ATAD2: variants seen among roughly 807,000 people sequenced by gnomAD.
ATAD2 encodes the protein ATPase family AAA domain containing 2.
Under a neutral mutation model 168.9 loss-of-function variants are expected in ATAD2, and 62 were observed. The observed-to-expected ratio is 0.37, with a 90% CI of 0.30 to 0.45. The LOEUF (loss-of-function observed/expected upper bound fraction) is 0.45. Among genes scored for constraint, ATAD2 ranks in the 20% least tolerant of loss-of-function variants. The pLI is 1.00. For synonymous variants in ATAD2, 613 were observed against 571.6 expected (o/e 1.07, Z -1.03); for missense variants, 1,419 against 1,667.8 (o/e 0.85, Z 2.60).
At position 123,336,395 on chromosome 8, in the gene ATAD2, G is replaced by A; in HGVS notation, c.3189C>T (p.Tyr1063=). 2 of 1,580,996 alleles carry A rather than the reference G, an allele frequency of 1.3e-6. No homozygotes were observed. The part of the protein sequence containing the change: ...IDLICSNALE[Y]NPDRDPGDRL... ...CACCTCCAGGATCTCTATCTGGATTGTATTCTAAGGCATTACTACAGATTA... is the reference window on the plus strand; with the variant it reads ...CACCTCCAGGATCTCTATCTGGATTATATTCTAAGGCATTACTACAGATTA... The change falls in exon 22 of 28, where the codon TAC becomes TAT. Residue 1063 remains tyrosine, a synonymous_variant. Coordinates refer to ENST00000287394, the MANE Select transcript of ATAD2 (RefSeq NM_014109.4).
intron 15 of ATAD2, 40 bp from the exon 16 acceptor site, chr8:123,347,446 C>A: frequency 2.7e-6 from 4 of 1,505,516 alleles, no homozygotes; most frequent in Non-Finnish European, 3.6e-6. Flanking sequence ...ACCAGCCGAC[C>A]AAACAAAGAA....
intron 2 of ATAD2, among the ~76,000 whole-genome samples, chr8:123,375,160 T>A (rs1829268354): frequency 6.6e-6 from 1 of 152,226 alleles, no homozygotes; most frequent in Non-Finnish European, 1.5e-5. Flanking sequence ...GACACTGATG[T>A]TACCATTACG....
At chr8:123,409,647 T>C (rs1470270229) in intron 1 of ATAD2, among the ~76,000 whole-genome samples, 1 of 151,952 alleles carries the variant, frequency 6.6e-6, no homozygotes, top group African/African-American at 2.4e-5. Flanking sequence ...CTTGAGCTAC[T>C]ACACCCATTC....
At chr8:123,386,564 T>C (rs1013015015) in intron 1 of ATAD2, among the ~76,000 whole-genome samples, 1 of 152,078 alleles carries the variant, frequency 6.6e-6, no homozygotes, top group Admixed American at 6.5e-5. Context: ...TTCTGGAAGA[T>C]GAAAAAGTTC....
intron 7 of ATAD2, among the ~76,000 whole-genome samples, chr8:123,369,543 C>T (rs1415807873): frequency 6.6e-6 from 1 of 152,046 alleles, no homozygotes; most frequent in Non-Finnish European, 1.5e-5. Flanking sequence ...TCTATACAAA[C>T]TGACAAAATA....
chr8:123,372,721 T>C (rs1351888399), intron 2 of ATAD2, 35 bp from the exon 3 acceptor site: 3 of 1,481,450 alleles, frequency 2.0e-6, no homozygotes, highest in South Asian at 1.2e-5. Flanking sequence ...TTCAAAATAA[T>C]TGACATAACT....
intron 1 of ATAD2, among the ~76,000 whole-genome samples, chr8:123,392,499 A>G (rs1015785332): frequency 3.4e-5 from 5 of 145,858 alleles, no homozygotes; most frequent in Non-Finnish European, 7.6e-5. Flanking sequence ...GTTTTCTCAT[A>G]AAAAAAAAAT....
At chr8:123,399,340 C>T (rs1812967865), upstream of ATAD2, among the ~76,000 whole-genome samples, 1 of 151,950 alleles carries the variant, frequency 6.6e-6, no homozygotes, top group Non-Finnish European at 1.5e-5. Flanking sequence ...TTTAATTGAG[C>T]CCCCATCTTA....
chr8:123,334,525 A>G (rs1827861253), intron 22 of ATAD2, among the ~76,000 whole-genome samples: 1 of 152,196 alleles, frequency 6.6e-6, no homozygotes, highest in African/African-American at 2.4e-5. Context: ...ATGGCAAACT[A>G]AACCCAAACA....
chr8:123,380,619 A>G lies in ATAD2; in HGVS notation c.230T>C (p.Leu77Ser). 3 of 1,614,124 alleles carry G rather than the reference A, an allele frequency of 1.9e-6. No homozygotes were observed. Among genetic ancestry groups the G allele is most frequent in the Non-Finnish European group, 2.5e-6 (3 of 1,180,006 alleles). ...TYHRTRALRSLRKDAQNSSDS... is the reference protein window; with the variant it reads ...TYHRTRALRSSRKDAQNSSDS... ...TGAAGAATTCTGTGCATCTTTTCTC[A>G]AAGATCTTAAAGCACGTGTCCGGTG... The change falls in exon 2 of 28, where the codon TTG becomes TCG. Residue 77 changes from leucine (L) to serine (S), a missense_variant. Leu to Ser is a moderately radical substitution (Grantham distance 145, BLOSUM62 -2). Around this residue, in one of 5 missense-constraint regions of ATAD2, gnomAD observed 419 missense variants for 423.5 expected, o/e 0.99. Transcript: ENST00000287394.
At chr8:123,324,284 A>C (rs1302129433) in intron 26 of ATAD2, among the ~76,000 whole-genome samples, 2 of 152,224 alleles carry the variant, frequency 1.3e-5, no homozygotes, top group African/African-American at 2.4e-5. Flanking sequence ...CTTTGTACTT[A>C]AACAGGGCAG....
At chr8:123,401,187 C>T (rs186004769), upstream of ATAD2, 1,880 of 958,992 alleles carry the variant, frequency 2.0e-3, 2 homozygotes, top group Non-Finnish European at 2.8e-3. Context: ...TGCAGCAAAG[C>T]AAGAAAGTGA....
At chr8:123,374,828 G>A (rs553460115) in intron 2 of ATAD2, among the ~76,000 whole-genome samples, 1 of 152,304 alleles carries the variant, frequency 6.6e-6, no homozygotes, top group African/African-American at 2.4e-5. Context: ...TTACTTCAGA[G>A]GTTTTGTGTA....
chr8:123,388,723 G>A (rs1262875021), intron 1 of ATAD2, among the ~76,000 whole-genome samples: 1 of 151,866 alleles, frequency 6.6e-6, no homozygotes, highest in Non-Finnish European at 1.5e-5. Context: ...GGGGCGGGGG[G>A]GTGGTCTCAC....
intron 1 of ATAD2, among the ~76,000 whole-genome samples, chr8:123,395,483 C>T (rs563523373): frequency 3.0e-4 from 46 of 152,304 alleles, no homozygotes; most frequent in African/African-American, 1.1e-3. Flanking sequence ...AGAAAGGGAA[C>T]GATTTAGGAG....
chr8:123,399,803 G>A (rs1283321571), upstream of ATAD2, among the ~76,000 whole-genome samples: 2 of 150,606 alleles, frequency 1.3e-5, no homozygotes, highest in African/African-American at 4.9e-5. Context: ...GCGGTGAGCC[G>A]AGATTACGCC....
At chr8:123,336,645 G>T in intron 21 of ATAD2, 113 bp from the exon 22 acceptor site, 1 of 797,280 alleles carries the variant, frequency 1.3e-6, no homozygotes, top group South Asian at 3.0e-5. Flanking sequence ...AAGAGATTAT[G>T]ATAATATATT....
intron 8 of ATAD2, among the ~76,000 whole-genome samples, chr8:123,362,354 T>C (rs898119041): frequency 1.3e-5 from 2 of 151,848 alleles, no homozygotes; most frequent in Admixed American, 6.6e-5. Flanking sequence ...ATTTTCAATA[T>C]TACACTATAC....
At chr8:123,331,632 A>G (rs570806845) in intron 24 of ATAD2, among the ~76,000 whole-genome samples, 2 of 152,334 alleles carry the variant, frequency 1.3e-5, no homozygotes, top group East Asian at 1.9e-4. Flanking sequence ...TCTATGTTAC[A>G]TAACAAACAA....
Sources: allele counts gnomAD v4.1 joint callset (sites outside exome capture counted in the v4.1 genomes callset), GRCh38; gene constraint gnomAD v4.1.1; regional missense constraint gnomAD v4.1.1; transcripts MANE v1.5; gene names NCBI Gene and HGNC (gene_info 2026-07-23, HGNC 2026-07-21).